Variants in ARHGAP10 observed in about 807,000 individuals in gnomAD.
ARHGAP10 encodes Rho GTPase activating protein 10.
In ARHGAP10, 87 loss-of-function variants were observed where a neutral mutation model predicts 108.6. The ratio of observed to expected loss-of-function variants is 0.80; its 90% CI spans 0.67 to 0.96. The LOEUF is 0.96. Ranked by LOEUF, ARHGAP10 falls within the 40% of genes least tolerant of loss-of-function variation. ARHGAP10 has a pLI of 0.00. For missense variants in ARHGAP10, 939 were observed against 954.5 expected (o/e 0.98, Z 0.21); for synonymous variants, 347 against 341.1 (o/e 1.02, Z -0.19).
chr4:148,010,460 C>T (rs140959666), intron 18 of ARHGAP10, among the ~76,000 whole-genome samples: 288 of 152,206 alleles, frequency 1.9e-3, no homozygotes, highest in African/African-American at 6.4e-3. Flanking sequence ...ATCTTTCATA[C>T]CCTTTTTTTG....
intron 13 of ARHGAP10, among the ~76,000 whole-genome samples, chr4:147,936,117 C>T (rs1488771406): frequency 6.6e-6 from 1 of 152,104 alleles, no homozygotes; most frequent in Non-Finnish European, 1.5e-5. Context: ...TTTAAGCTTT[C>T]TTAGCTAGAG....
At chr4:147,859,463 A>G (rs1734227371) in intron 5 of ARHGAP10, among the ~76,000 whole-genome samples, 1 of 151,950 alleles carries the variant, frequency 6.6e-6, no homozygotes, top group African/African-American at 2.4e-5. Context: ...TAGTAGAGAC[A>G]AGGTTTCATG....
At chr4:147,913,697 C>T (rs1736845989) in intron 13 of ARHGAP10, among the ~76,000 whole-genome samples, 1 of 152,162 alleles carries the variant, frequency 6.6e-6, no homozygotes, top group South Asian at 2.1e-4. Context: ...TTCTGAGAAA[C>T]TGGTGTTTAG....
At chr4:148,018,777 A>G (rs973542576) in intron 18 of ARHGAP10, among the ~76,000 whole-genome samples, 3 of 152,204 alleles carry the variant, frequency 2.0e-5, no homozygotes, top group African/African-American at 4.8e-5. Flanking sequence ...TCATAAACCT[A>G]TAATATTTTT....
chr4:147,834,074 C>A (rs1321579732), intron 3 of ARHGAP10, among the ~76,000 whole-genome samples: 1 of 152,172 alleles, frequency 6.6e-6, no homozygotes, highest in Non-Finnish European at 1.5e-5. Flanking sequence ...TTGTTTCTTA[C>A]AGTTATGGAG....
chr4:148,046,831 T>G, intron 19 of ARHGAP10, 61 bp from the exon 20 acceptor site: 1 of 1,496,752 alleles, frequency 6.7e-7, no homozygotes, highest in Non-Finnish European at 9.2e-7. Context: ...CATATAATTA[T>G]TAGTGGAGTT....
intron 4 of ARHGAP10, among the ~76,000 whole-genome samples, chr4:147,848,716 G>C (rs1175361136): frequency 2.6e-5 from 4 of 152,190 alleles, no homozygotes; most frequent in African/African-American, 9.7e-5. Context: ...TTGAGTGCGA[G>C]TGAATATATT....
intron 10 of ARHGAP10, among the ~76,000 whole-genome samples, chr4:147,890,419 G>T (rs1735753262): frequency 6.6e-6 from 1 of 152,166 alleles, no homozygotes; most frequent in Admixed American, 6.6e-5. Flanking sequence ...AATAATGTCT[G>T]ATAAGGGACT....
chr4:147,953,418 AT>A (rs916272415), intron 15 of ARHGAP10, among the ~76,000 whole-genome samples: 4 of 152,046 alleles, frequency 2.6e-5, no homozygotes, highest in African/African-American at 9.7e-5. Context: ...TACTGGCAAG[AT>A]TTTTAACCAC....
In ARHGAP10 at chr4:147,777,320, G is replaced by A. The variant is rs573189796; in HGVS notation, c.154+44865G>A. Among the ~76,000 whole-genome samples the A allele has an allele frequency of 8.4e-4, 127 of 150,722 alleles. 2 individuals are homozygous for A. The highest frequency in any genetic ancestry group is 2.5e-3 in the African/African-American group (103 of 40,990). ...GTCACCCAGGCTGGAGTGCAGTGGC[G>A]CGATTTCGGCTCACTGCAAGCTCCA... On this transcript the variant is annotated intron_variant, in intron 1 of 22. Coordinates refer to ENST00000336498, the MANE Select transcript of ARHGAP10 (RefSeq NM_024605.4).
chr4:147,995,739 C>T (rs548048366), intron 18 of ARHGAP10, among the ~76,000 whole-genome samples: 64 of 151,820 alleles, frequency 4.2e-4, no homozygotes, highest in African/African-American at 1.1e-3. Context: ...TTTTTCATGA[C>T]GGAGTCTTGC....
At chr4:147,895,866 T>C (rs4571312) in intron 10 of ARHGAP10, among the ~76,000 whole-genome samples, 119,663 of 152,098 alleles carry the variant, frequency 0.79, 49,418 homozygotes, top group Non-Finnish European at 0.92. Context: ...TAAAGTGTAA[T>C]ATTAGCTGAA....
intron 18 of ARHGAP10, among the ~76,000 whole-genome samples, chr4:148,016,685 G>A (rs555738800): frequency 2.0e-4 from 30 of 152,160 alleles, no homozygotes; most frequent in African/African-American, 6.3e-4. Flanking sequence ...TTCCAACACC[G>A]TCTACCTGGA....
At chr4:147,788,826 T>C (rs979965652) in intron 1 of ARHGAP10, among the ~76,000 whole-genome samples, 2 of 152,236 alleles carry the variant, frequency 1.3e-5, no homozygotes, top group Non-Finnish European at 2.9e-5. Flanking sequence ...TATTTTCACA[T>C]GCTTGAGAAA....
At chr4:148,030,116 GA>G (rs528207690) in intron 19 of ARHGAP10, among the ~76,000 whole-genome samples, 196 of 141,214 alleles carry the variant, frequency 1.4e-3, no homozygotes, top group African/African-American at 2.5e-3. Flanking sequence ...TGTGGAGGAG[GA>G]AAAAAAAAAA....
At chr4:147,933,028 A>C (rs936694009) in intron 13 of ARHGAP10, among the ~76,000 whole-genome samples, 1 of 152,128 alleles carries the variant, frequency 6.6e-6, no homozygotes, top group Admixed American at 6.5e-5. Flanking sequence ...AATTATTTCA[A>C]TCTCTCTGTT....
chr4:147,753,340 A>ATTTTC (rs1049669673), intron 1 of ARHGAP10, among the ~76,000 whole-genome samples: 1 of 129,952 alleles, frequency 7.7e-6, no homozygotes, highest in African/African-American at 2.5e-5. Context: ...TCTGAAGTCA[A>ATTTTC]TTTTCTTTTC....
chr4:147,927,487 A>G (rs1447835848), intron 13 of ARHGAP10, among the ~76,000 whole-genome samples: 1 of 152,208 alleles, frequency 6.6e-6, no homozygotes, highest in Non-Finnish European at 1.5e-5. Context: ...ATTGCATTTT[A>G]TGTTTTTGGA....
chr4:148,011,658 A>C (rs1206233736), intron 18 of ARHGAP10, among the ~76,000 whole-genome samples: 1 of 152,218 alleles, frequency 6.6e-6, no homozygotes, highest in Non-Finnish European at 1.5e-5. Flanking sequence ...TGGGGCAGGG[A>C]GATAGACTCC....
Sources: allele counts gnomAD v4.1 joint callset (sites outside exome capture counted in the v4.1 genomes callset), GRCh38; gene constraint gnomAD v4.1.1; transcripts MANE v1.5; gene names NCBI Gene and HGNC (gene_info 2026-07-23, HGNC 2026-07-21).